FAT1: variants seen among roughly 807,000 people sequenced by gnomAD.
FAT1 encodes the protein FAT atypical cadherin 1, also known as protocadherin Fat 1.
In FAT1, 171 loss-of-function variants were observed where a neutral mutation model predicts 329.8. The ratio of observed to expected loss-of-function variants is 0.52; its 90% CI spans 0.46 to 0.59. The LOEUF is 0.59. Among genes scored for constraint, FAT1 ranks in the 20% least tolerant of loss-of-function variants. The pLI is 0.00. For synonymous variants in FAT1, 2,233 were observed against 2,228.6 expected (o/e 1.00, Z -0.06); for missense variants, 5,672 against 5,774.4 (o/e 0.98, Z 0.57).
At chr4:186,602,776 T>A (rs1054853627) in intron 20 of FAT1, 127 bp downstream of exon 20, 2 of 1,047,800 alleles carry the variant, frequency 1.9e-6, no homozygotes, top group Non-Finnish European at 2.7e-6. Context: ...TTTATTCATC[T>A]CCACATCTGT....
chr4:186,705,517 T>G (rs989685933), intron 2 of FAT1, among the ~76,000 whole-genome samples: 4 of 152,200 alleles, frequency 2.6e-5, no homozygotes, highest in Non-Finnish European at 1.5e-5. Context: ...TCCACTATCA[T>G]TCTCAGAGGG....
intron 1 of FAT1, among the ~76,000 whole-genome samples, chr4:186,712,099 G>A (rs1423346190): frequency 2.0e-5 from 3 of 152,148 alleles, no homozygotes; most frequent in African/African-American, 7.2e-5. Flanking sequence ...TACGTATAAA[G>A]TTATCATGCA....
chr4:186,692,881 T>A (rs1265320582), intron 2 of FAT1, among the ~76,000 whole-genome samples: 2 of 152,190 alleles, frequency 1.3e-5, no homozygotes, highest in African/African-American at 4.8e-5. Flanking sequence ...AAGAACCCCT[T>A]GCTGCCCTTT....
intron 2 of FAT1, among the ~76,000 whole-genome samples, chr4:186,669,345 G>T (rs1742627484): frequency 6.6e-6 from 1 of 152,248 alleles, no homozygotes; most frequent in Non-Finnish European, 1.5e-5. Flanking sequence ...TGCACACGCA[G>T]TGAGAGCGGT....
chr4:186,680,673 G>A (rs539176306), intron 2 of FAT1, among the ~76,000 whole-genome samples: 1 of 152,300 alleles, frequency 6.6e-6, no homozygotes, highest in South Asian at 2.1e-4. Flanking sequence ...TTAAAAGAGA[G>A]CAGTAAAGAT....
intron 10 of FAT1, 148 bp downstream of exon 10, chr4:186,617,560 A>G (rs1739771039): frequency 1.7e-5 from 12 of 698,792 alleles, no homozygotes; most frequent in Non-Finnish European, 2.5e-5. Flanking sequence ...ATGAGGCTCA[A>G]CAGATGTTAT....
intron 14 of FAT1, 126 bp from the exon 15 acceptor site, chr4:186,610,141 G>C (rs139683610): frequency 1.7e-6 from 1 of 601,816 alleles, no homozygotes; most frequent in Non-Finnish European, 2.9e-6. Context: ...TACCATTTAC[G>C]TATGTTTCCT....
intron 2 of FAT1, among the ~76,000 whole-genome samples, chr4:186,702,071 C>A (rs1488462730): frequency 6.6e-6 from 1 of 151,726 alleles, no homozygotes; most frequent in Non-Finnish European, 1.5e-5. Context: ...AGGCCAGGAG[C>A]CGACCTCCAC....
At chr4:186,700,325 C>T (rs1744244795) in intron 2 of FAT1, among the ~76,000 whole-genome samples, 1 of 152,172 alleles carries the variant, frequency 6.6e-6, no homozygotes, top group African/African-American at 2.4e-5. Flanking sequence ...ACTGCAAACA[C>T]AAATATGACA....
At position 186,617,784 on chromosome 4, in the gene FAT1, A is replaced by C. The variant is rs2126487889; in HGVS notation, c.8802T>G (p.Gly2934=). 6.2e-7 allele frequency: 1 copy of C among 1,613,814 alleles called. No individual in the cohort carries two copies. The highest frequency in any genetic ancestry group is 2.2e-5 in the East Asian group (1 of 44,874). Residue 2934 remains glycine (G), a synonymous_variant, in exon 10 of 27, where the codon GGT becomes GGG. Transcript: ENST00000441802. ...TGGTACTTAAGATGGCAATCACCCC[A>C]CCTTGGGGGTCATCCTCACTCACAG... The part of the protein sequence containing the change: ...KGTVSEDDPQ[G]GVIAILSTTD...
chr4:186,690,426 G>C (rs941676496), intron 2 of FAT1, among the ~76,000 whole-genome samples: 2 of 152,112 alleles, frequency 1.3e-5, no homozygotes, highest in Non-Finnish European at 2.9e-5. Flanking sequence ...TAGCCTGCAC[G>C]GTGGCTCACG....
At chr4:186,624,788 TAAATG>T (rs1243747592) in intron 9 of FAT1, among the ~76,000 whole-genome samples, 1 of 152,220 alleles carries the variant, frequency 6.6e-6, no homozygotes, top group Non-Finnish European at 1.5e-5. Context: ...TGAATAAACT[TAAATG>T]AAAGGCATTT....
chr4:186,608,156 T>G (rs1248640336), intron 16 of FAT1, among the ~76,000 whole-genome samples: 1 of 152,326 alleles, frequency 6.6e-6, no homozygotes, highest in East Asian at 1.9e-4. Flanking sequence ...GAGCCATATC[T>G]AAGCTTTGTG....
Position 186,643,605 on chromosome 4 carries a change from C to T in FAT1, c.3581-3822G>A, listed in dbSNP as rs142853884. On this transcript the variant is annotated intron_variant, in intron 3 of 26. Coordinates refer to ENST00000441802, the MANE Select transcript of FAT1 (RefSeq NM_005245.4). ...AATTTCCTAATGATGTAATTTAATACTAGGCATTCTGGGTGTCTTTTCGAG... is the reference window on the plus strand; with the variant it reads ...AATTTCCTAATGATGTAATTTAATATTAGGCATTCTGGGTGTCTTTTCGAG... 1.1e-3 allele frequency among the ~76,000 whole-genome samples: 162 copies of T among 152,222 alleles called. 2 individuals carry two copies. The highest frequency in any genetic ancestry group is 1.2e-3 in the Admixed American group (19 of 15,282).
intron 4 of FAT1, among the ~76,000 whole-genome samples, chr4:186,639,430 T>G (rs1393015586): frequency 2.0e-5 from 3 of 152,174 alleles, no homozygotes; most frequent in Non-Finnish European, 4.4e-5. Context: ...CACATGACAC[T>G]GTTTATAGAT....
intron 3 of FAT1, among the ~76,000 whole-genome samples, chr4:186,641,140 GT>G (rs372935522): frequency 3.3e-5 from 5 of 152,102 alleles, no homozygotes; most frequent in Admixed American, 1.3e-4. Flanking sequence ...TAATTCAAAG[GT>G]TTTTTTCCTT....
At chr4:186,685,988 A>C (rs1350663566) in intron 2 of FAT1, among the ~76,000 whole-genome samples, 1 of 152,136 alleles carries the variant, frequency 6.6e-6, no homozygotes, top group Non-Finnish European at 1.5e-5. Flanking sequence ...TTGGACTCTG[A>C]CTCACTTATG....
intron 11 of FAT1, among the ~76,000 whole-genome samples, chr4:186,615,595 C>G (rs1055538902): frequency 6.6e-6 from 1 of 152,206 alleles, no homozygotes; most frequent in South Asian, 2.1e-4. Flanking sequence ...AGACCGCCAC[C>G]TACACAGCAT....
At position 186,618,417 on chromosome 4, in the gene FAT1, A is replaced by G. The variant is rs1328231420; in HGVS notation, c.8169T>C (p.Asp2723=). 1 of 1,614,032 alleles carries G rather than the reference A, an allele frequency of 6.2e-7. No homozygotes were observed. The highest frequency in any genetic ancestry group is 8.5e-7 in the Non-Finnish European group (1 of 1,179,908). Residue 2723 remains aspartate (D), a synonymous_variant, in exon 10 of 27, where the codon GAT becomes GAC. Coordinates refer to ENST00000441802, the MANE Select transcript of FAT1 (RefSeq NM_005245.4). The part of the protein sequence containing the change: ...SEDVPIGTEI[D]LIRAEHSGTV... ...TCCCACTATGTTCTGCTCGGATGAG[A>G]TCTATCTCTGTTCCAATAGGCACGT...
Sources: gnomAD v4.1 joint callset for allele counts (sites outside exome capture counted in the v4.1 genomes callset) on GRCh38, gnomAD v4.1.1 for gene constraint, MANE v1.5 for transcripts, NCBI Gene and HGNC (gene_info 2026-07-23, HGNC 2026-07-21) for gene names.